Variants in DIP2C observed in about 807,000 individuals in gnomAD.
The protein encoded by DIP2C is DIP2 acetate--CoA ligase C (putative), also known as disco-interacting protein 2 homolog C.
Under a neutral mutation model 192.4 loss-of-function variants are expected in DIP2C, and 33 were observed. The observed-to-expected ratio is 0.17, with a 90% CI of 0.13 to 0.23. The LOEUF (loss-of-function observed/expected upper bound fraction) is 0.23, where lower values mean the gene tolerates loss of function less well. Among genes scored for constraint, DIP2C ranks in the 10% least tolerant of loss-of-function variants. The pLI is 1.00. For synonymous variants in DIP2C, 979 were observed against 864.1 expected, an observed-to-expected ratio of 1.13 and a Z score of -2.33; for missense variants, 1,537 against 2,110.1, an observed-to-expected ratio of 0.73 and a Z score of 5.32.
At chr10:414,285 T>TA (rs1042878778) in intron 7 of DIP2C, among the ~76,000 whole-genome samples, 175 bp from the exon 8 acceptor site, 6 of 152,154 alleles carry the variant, frequency 3.9e-5, no homozygotes, top group Admixed American at 2.6e-4. Context: ...CGGATGCTGG[T>TA]AAAAAATTAG....
At chr10:589,253 T>C (rs918945250) in intron 1 of DIP2C, among the ~76,000 whole-genome samples, 3 of 152,186 alleles carry the variant, frequency 2.0e-5, no homozygotes, top group Admixed American at 2.0e-4. Context: ...GCTGCATGAT[T>C]TGTAGACATC....
chr10:600,093 ATAAC>A (rs575671521), intron 1 of DIP2C, among the ~76,000 whole-genome samples: 8 of 152,202 alleles, frequency 5.3e-5, no homozygotes, highest in Admixed American at 3.3e-4. Flanking sequence ...AACCTGTATC[ATAAC>A]TAACATGTAT....
At chr10:381,116 GCTTCTCTCC>G (rs1379433526) in intron 17 of DIP2C, among the ~76,000 whole-genome samples, 29 of 152,166 alleles carry the variant, frequency 1.9e-4, no homozygotes, top group Admixed American at 7.9e-4. Context: ...ACCAGCATTG[GCTTCTCTCC>G]TAAAGATTTT....
intron 3 of DIP2C, among the ~76,000 whole-genome samples, chr10:442,882 G>A (rs527471068): frequency 6.6e-6 from 1 of 152,272 alleles, no homozygotes; most frequent in South Asian, 2.1e-4. Flanking sequence ...CCAGGATCAT[G>A]AATTGCATTT....
chr10:318,985 T>C (rs1224913509), intron 31 of DIP2C, among the ~76,000 whole-genome samples: 1 of 151,898 alleles, frequency 6.6e-6, no homozygotes, highest in Non-Finnish European at 1.5e-5. Context: ...CGATCTCGGC[T>C]CACTGCAACC....
chr10:503,815 C>T (rs1845410625), intron 1 of DIP2C, among the ~76,000 whole-genome samples: 1 of 152,194 alleles, frequency 6.6e-6, no homozygotes, highest in Non-Finnish European at 1.5e-5. Context: ...CTATGGTTTT[C>T]ATCACGGTTC....
intron 7 of DIP2C, 132 bp downstream of exon 7, chr10:415,637 T>G: frequency 2.4e-6 from 3 of 1,256,008 alleles, no homozygotes; most frequent in Non-Finnish European, 3.3e-6. Context: ...GCTCCCTACC[T>G]GGGTTCCCAT....
intron 1 of DIP2C, among the ~76,000 whole-genome samples, chr10:508,779 C>T (rs992250665): frequency 6.6e-6 from 1 of 152,204 alleles, no homozygotes. Context: ...ACCGCACATA[C>T]AGGAGATGGC....
At chr10:533,980 G>A (rs190493897) in intron 1 of DIP2C, among the ~76,000 whole-genome samples, 45 of 148,118 alleles carry the variant, frequency 3.0e-4, no homozygotes, top group African/African-American at 7.9e-4. Flanking sequence ...AAGGCTGAAG[G>A]AATTAGGGTT....
intron 1 of DIP2C, among the ~76,000 whole-genome samples, chr10:614,548 G>A (rs1253804012): frequency 6.6e-6 from 1 of 152,204 alleles, no homozygotes; most frequent in Non-Finnish European, 1.5e-5. Flanking sequence ...GCACAGCCGT[G>A]CAAGAGAACT....
chr10:487,663 C>T (rs938859166), intron 1 of DIP2C, among the ~76,000 whole-genome samples: 16 of 150,476 alleles, frequency 1.1e-4, no homozygotes, highest in Admixed American at 4.0e-4. Flanking sequence ...CTGCAAGCTC[C>T]GCCTCCTGGG....
At chr10:590,769 C>T (rs1468516990) in intron 1 of DIP2C, among the ~76,000 whole-genome samples, 2 of 152,212 alleles carry the variant, frequency 1.3e-5, no homozygotes, top group Non-Finnish European at 2.9e-5. Context: ...GCTATTGAAA[C>T]TCAAATATCT....
intron 2 of DIP2C, among the ~76,000 whole-genome samples, chr10:476,220 G>A (rs527496760): frequency 4.6e-5 from 7 of 152,242 alleles, no homozygotes; most frequent in African/African-American, 1.2e-4. Flanking sequence ...GCAAGAAAAC[G>A]GCCGAGATGG....
At chr10:577,497 G>T (rs528901930) in intron 1 of DIP2C, among the ~76,000 whole-genome samples, 222 of 152,300 alleles carry the variant, frequency 1.5e-3, no homozygotes, top group Non-Finnish European at 1.6e-3. Flanking sequence ...TTCGCGAGTC[G>T]CAGAGCCTCG....
intron 1 of DIP2C, among the ~76,000 whole-genome samples, chr10:589,038 TA>T (rs973916323): frequency 1.3e-5 from 2 of 151,998 alleles, no homozygotes; most frequent in Non-Finnish European, 2.9e-5. Flanking sequence ...AGCAGGGGTG[TA>T]AAAAAATTCA....
chr10:646,287 A>G (rs1855450355), intron 1 of DIP2C, among the ~76,000 whole-genome samples: 1 of 147,792 alleles, frequency 6.8e-6, no homozygotes, highest in Admixed American at 6.7e-5. Flanking sequence ...CCCCCTGTGC[A>G]GGTACTGGAG....
rs1232639938 is a variant in DIP2C, at chr10:418,233, T to G, written c.739+832A>C. On this transcript the variant is annotated intron_variant, in intron 6 of 36. Transcript: ENST00000280886. The stretch of plus-strand genomic sequence containing the variant: ...CCTGTCCACCTGTTCCTGTCAGGGC[T>G]TCGATAGGCCTCCCTGTTCACTGCA... Among the ~76,000 whole-genome samples the G allele has an allele frequency of 2.5e-4, 30 of 119,798 alleles. 3 individuals carry two copies. Among genetic ancestry groups the G allele is most frequent in the African/African-American group, 9.9e-4 (26 of 26,196 alleles). 78.6% of individuals were successfully genotyped at this position (119,798 alleles called of 152,430 possible). A position where few individuals can be genotyped will look rare whatever the true frequency, so the allele number is the denominator to read the frequency against.
chr10:359,571 T>C (rs1361726221), intron 22 of DIP2C, among the ~76,000 whole-genome samples: 1 of 152,158 alleles, frequency 6.6e-6, no homozygotes, highest in Non-Finnish European at 1.5e-5. Flanking sequence ...CTTAATGAAG[T>C]ATGGAAGAGG....
chr10:314,879 A>AACACAGAAGTTTTGGAGGGGG (rs1956711189), intron 31 of DIP2C, among the ~76,000 whole-genome samples: 1 of 152,208 alleles, frequency 6.6e-6, no homozygotes, highest in Admixed American at 6.5e-5. Context: ...ATTATAGTTC[A>AACACAGAAGTTTTGGAGGGGG]ACACAGAAGT....
Sources: allele counts gnomAD v4.1 joint callset (sites outside exome capture counted in the v4.1 genomes callset), GRCh38; gene constraint gnomAD v4.1.1; transcripts MANE v1.5; gene names NCBI Gene and HGNC (gene_info 2026-07-23, HGNC 2026-07-21).